SORBS2: variants seen among roughly 807,000 people sequenced by gnomAD.
The protein encoded by SORBS2 is sorbin and SH3 domain containing 2.
SORBS2 carries 46 observed loss-of-function variants against 97.7 expected under a neutral mutation model. The observed-to-expected ratio is 0.47, with a 90% CI of 0.37 to 0.60. The LOEUF (loss-of-function observed/expected upper bound fraction) is 0.60, where lower values mean the gene tolerates loss of function less well. SORBS2 is among the 20% of genes least tolerant of loss of function. The pLI is 0.00. For synonymous variants in SORBS2, 476 were observed against 473.4 expected, an observed-to-expected ratio of 1.01 and a Z score of -0.07; for missense variants, 1,316 against 1,282.3, an observed-to-expected ratio of 1.03 and a Z score of -0.40.
rs1252149114 is a variant in SORBS2, at chr4:185,709,323, T to TTTTTTTTTTTTTTTTTTG, written c.-197-30502_-197-30501insCAAAAAAAAAAAAAAAAA. 1.4e-5 allele frequency among the ~76,000 whole-genome samples: 2 copies of TTTTTTTTTTTTTTTTTTG among 140,598 alleles called. 1 individual carries two copies. The highest frequency in any genetic ancestry group is 3.1e-5 in the Non-Finnish European group (2 of 65,146). 92.2% of individuals were successfully genotyped at this position (140,598 alleles called of 152,430 possible). On this transcript the variant is annotated intron_variant, in intron 2 of 20. Coordinates refer to the SORBS2 transcript ENST00000284776. The stretch of plus-strand genomic sequence containing the variant: ...CCAAATCTTTTTTTTTTTTTTTTTT[T>TTTTTTTTTTTTTTTTTTG]TAGTAAAAGGAAACTAAAGTTACAA...
At chr4:185,845,201 G>T (rs1418719477) in intron 1 of SORBS2, among the ~76,000 whole-genome samples, 2 of 151,812 alleles carry the variant, frequency 1.3e-5, no homozygotes, top group Admixed American at 1.3e-4. Flanking sequence ...TTAATTTTTT[G>T]TAGAGACAGA....
intron 1 of SORBS2, among the ~76,000 whole-genome samples, chr4:185,849,410 A>G (rs1302707960): frequency 6.6e-6 from 1 of 151,796 alleles, no homozygotes; most frequent in African/African-American, 2.4e-5. Context: ...ACAGATAAAG[A>G]ATTTATGAAT....
At chr4:185,675,770 A>G (rs1311753750) in intron 4 of SORBS2, among the ~76,000 whole-genome samples, 1 of 152,182 alleles carries the variant, frequency 6.6e-6, no homozygotes, top group Non-Finnish European at 1.5e-5. Context: ...GTGCTTTCAG[A>G]AGATATTACC....
At chr4:185,615,010 C>T (rs771983518) in intron 10 of SORBS2, 35 bp downstream of exon 22, 34 of 1,613,798 alleles carry the variant, frequency 2.1e-5, no homozygotes, top group Non-Finnish European at 2.6e-5. Context: ...CCTTTGAAAC[C>T]ACCGCCATCC....
chr4:185,825,047 T>C (rs1012443931), intron 1 of SORBS2, among the ~76,000 whole-genome samples: 1 of 152,046 alleles, frequency 6.6e-6, no homozygotes, highest in Non-Finnish European at 1.5e-5. Flanking sequence ...TAATTCAGGC[T>C]CTCCGAGATT....
chr4:185,793,694 T>C (rs2099091791), intron 1 of SORBS2, among the ~76,000 whole-genome samples: 1 of 152,214 alleles, frequency 6.6e-6, no homozygotes, highest in Admixed American at 6.5e-5. Flanking sequence ...AAAGATTTCC[T>C]TTCCATCTCT....
intron 4 of SORBS2, among the ~76,000 whole-genome samples, chr4:185,637,587 C>T (rs902561255): frequency 2.0e-5 from 3 of 152,142 alleles, no homozygotes; most frequent in Admixed American, 2.0e-4. Flanking sequence ...CTATTTTGTG[C>T]ACATTACTTA....
intron 2 of SORBS2, among the ~76,000 whole-genome samples, chr4:185,701,921 C>T (rs1013518063): frequency 6.6e-6 from 1 of 152,086 alleles, no homozygotes; most frequent in African/African-American, 2.4e-5. Flanking sequence ...CAGGCACGTG[C>T]CAGCACGCCC....
chr4:185,791,589 C>G (rs1032831440), intron 1 of SORBS2, among the ~76,000 whole-genome samples: 6 of 151,998 alleles, frequency 3.9e-5, no homozygotes, highest in African/African-American at 1.5e-4. Context: ...TTTTCTTACT[C>G]TAAGTGCCTC....
chr4:185,657,138 AAAAC>A (rs967513656), upstream of SORBS2: 20 of 318,754 alleles, frequency 6.3e-5, no homozygotes, highest in Admixed American at 1.1e-4. Flanking sequence ...AGGTAAAAGA[AAAAC>A]AAACAAACAA....
At chr4:185,874,866 T>TCTTTTTTTTTTTTTTTTTTTTTTTTTGC (rs2099232496) in intron 1 of SORBS2, among the ~76,000 whole-genome samples, 1 of 113,444 alleles carries the variant, frequency 8.8e-6, no homozygotes, top group Non-Finnish European at 2.0e-5. Flanking sequence ...TGATTTTTTT[T>TCTTTTTTTTTTTTTTTTTTTTTTTTTGC]TTTTTTGCAT....
chr4:185,709,320 T>TTTC (rs1554199464), intron 2 of SORBS2, among the ~76,000 whole-genome samples: 1 of 140,978 alleles, frequency 7.1e-6, no homozygotes, highest in African/African-American at 2.7e-5. Context: ...TTTTTTTTTT[T>TTTC]TTTTAGTAAA....
intron 8 of SORBS2, among the ~76,000 whole-genome samples, chr4:185,619,671 G>A (rs928611432): frequency 6.6e-6 from 1 of 152,214 alleles, no homozygotes; most frequent in Non-Finnish European, 1.5e-5. Flanking sequence ...TGTAGGCTCT[G>A]TATTGATTTA....
chr4:185,766,337 C>G (rs184263679), intron 2 of SORBS2, among the ~76,000 whole-genome samples: 2 of 152,134 alleles, frequency 1.3e-5, no homozygotes, highest in East Asian at 1.9e-4. Flanking sequence ...CTCATCTCAC[C>G]GTACATTTAG....
chr4:185,852,039 A>G (rs1372272025), intron 1 of SORBS2, among the ~76,000 whole-genome samples: 1 of 152,222 alleles, frequency 6.6e-6, no homozygotes, highest in Non-Finnish European at 1.5e-5. Flanking sequence ...CTTAGCTTAT[A>G]CCAGAAGATA....
intron 2 of SORBS2, among the ~76,000 whole-genome samples, chr4:185,764,352 A>T (rs973204534): frequency 6.6e-6 from 1 of 152,380 alleles, no homozygotes; most frequent in Middle Eastern, 3.4e-3. Context: ...AAATTTTCAT[A>T]AAACATAATG....
rs1297225192 is a variant in SORBS2, at chr4:185,904,176, C to T, written c.-338+52020G>A. Among the ~76,000 whole-genome samples the T allele has an allele frequency of 3.3e-5, 5 of 152,182 alleles. No homozygotes were observed. The East Asian group carries it at 7.7e-4, about 23-fold the overall frequency. On this transcript the variant is annotated intron_variant, in intron 1 of 20. Transcript: ENST00000284776. Reference sequence around the variant, plus strand: ...ATGGATGTATAATCTTATTAATTAACTGTGAACATGGTTTCTGAGAGAAAA... The same window carrying T: ...ATGGATGTATAATCTTATTAATTAATTGTGAACATGGTTTCTGAGAGAAAA...
intron 2 of SORBS2, among the ~76,000 whole-genome samples, chr4:185,746,389 T>C (rs1030245891): frequency 6.6e-6 from 1 of 152,212 alleles, no homozygotes; most frequent in African/African-American, 2.4e-5. Flanking sequence ...CCATCTTGGC[T>C]CGCTGCAACC....
At chr4:185,727,325 T>C (rs1285567156) in intron 2 of SORBS2, among the ~76,000 whole-genome samples, 1 of 152,210 alleles carries the variant, frequency 6.6e-6, no homozygotes. Flanking sequence ...ACCAGATAGG[T>C]GCAGTCAATG....
Sources: allele counts gnomAD v4.1 joint callset (sites outside exome capture counted in the v4.1 genomes callset), GRCh38; gene constraint gnomAD v4.1.1; transcripts MANE v1.5; gene names NCBI Gene and HGNC (gene_info 2026-07-23, HGNC 2026-07-21).